The following NUBPL variants were observed in gnomAD, a reference collection of about 807,000 sequenced individuals.
NUBPL encodes the protein NUBP iron-sulfur cluster assembly factor, mitochondrial.
A neutral mutation model predicts 45.7 loss-of-function variants in NUBPL; 31 were observed. The ratio of observed to expected loss-of-function variants is 0.68; its 90% CI spans 0.51 to 0.92. The LOEUF is 0.92. Among genes scored for constraint, NUBPL ranks in the 40% least tolerant of loss-of-function variants. NUBPL has a pLI of 0.00. For synonymous variants in NUBPL, 144 were observed against 140.9 expected (o/e 1.02, Z -0.15); for missense variants, 401 against 398.7 (o/e 1.01, Z -0.05).
chr14:31,666,719 C>T (rs2036439317), intron 4 of NUBPL, among the ~76,000 whole-genome samples: 1 of 152,088 alleles, frequency 6.6e-6, no homozygotes, highest in Non-Finnish European at 1.5e-5. Flanking sequence ...TTAGTGCTTC[C>T]TTCAGGAGCT....
intron 6 of NUBPL, among the ~76,000 whole-genome samples, chr14:31,702,353 A>T (rs2139897314): frequency 1.3e-5 from 2 of 152,238 alleles, no homozygotes; most frequent in Middle Eastern, 6.8e-3. Flanking sequence ...CATATGGCTG[A>T]TCTCATTCTT....
At chr14:31,577,765 GATGTTGT>G (rs2033754247) in intron 3 of NUBPL, among the ~76,000 whole-genome samples, 2 of 152,162 alleles carry the variant, frequency 1.3e-5, no homozygotes, top group African/African-American at 2.4e-5. Context: ...CTCTGTACTT[GATGTTGT>G]TGGCACTGCT....
intron 4 of NUBPL, among the ~76,000 whole-genome samples, chr14:31,668,166 C>A (rs2036482645): frequency 6.6e-6 from 1 of 152,238 alleles, no homozygotes; most frequent in Non-Finnish European, 1.5e-5. Flanking sequence ...CACAGCTGCG[C>A]CTTCCTCCAG....
At chr14:31,657,694 A>G (rs760831334) in intron 4 of NUBPL, among the ~76,000 whole-genome samples, 7 of 152,138 alleles carry the variant, frequency 4.6e-5, no homozygotes, top group Non-Finnish European at 8.8e-5. Context: ...CTTGTTATAG[A>G]TATCTTTTTC....
intron 7 of NUBPL, among the ~76,000 whole-genome samples, chr14:31,807,078 A>C (rs1451074674): frequency 6.6e-6 from 1 of 152,212 alleles, no homozygotes; most frequent in Non-Finnish European, 1.5e-5. Flanking sequence ...GCCACAATAA[A>C]CATATGTGTG....
chr14:31,684,219 T>G (rs1284398432), intron 6 of NUBPL, among the ~76,000 whole-genome samples: 1 of 152,222 alleles, frequency 6.6e-6, no homozygotes, highest in Non-Finnish European at 1.5e-5. Flanking sequence ...AGTTACCTCA[T>G]CATGGGGATT....
intron 6 of NUBPL, among the ~76,000 whole-genome samples, chr14:31,786,742 A>T (rs2039292185): frequency 6.6e-6 from 1 of 152,230 alleles, no homozygotes; most frequent in African/African-American, 2.4e-5. Flanking sequence ...TTCCCCAAAG[A>T]AATGAATTTT....
At chr14:31,761,759 C>T (rs1434294465) in intron 6 of NUBPL, among the ~76,000 whole-genome samples, 3 of 152,092 alleles carry the variant, frequency 2.0e-5, no homozygotes, top group African/African-American at 7.2e-5. Context: ...TCTTATTAAG[C>T]AACACTGATA....
chr14:31,851,935 C>G (rs1237269950), intron 10 of NUBPL, among the ~76,000 whole-genome samples: 1 of 152,130 alleles, frequency 6.6e-6, no homozygotes, highest in African/African-American at 2.4e-5. Flanking sequence ...AGAAACATTT[C>G]ATTGAAGTTA....
chr14:31,574,684 G>A (rs1188479937), intron 3 of NUBPL, among the ~76,000 whole-genome samples: 5 of 148,318 alleles, frequency 3.4e-5, no homozygotes, highest in African/African-American at 1.0e-4. Context: ...TTTGCCTCCC[G>A]GGTTCAAGTG....
chr14:31,592,857 T>C (rs994654507), intron 3 of NUBPL, among the ~76,000 whole-genome samples: 12 of 152,206 alleles, frequency 7.9e-5, no homozygotes, highest in African/African-American at 2.4e-4. Context: ...AGGGAATCTC[T>C]GTAACTACCT....
At chr14:31,804,583 A>G (rs1315524325) in intron 7 of NUBPL, among the ~76,000 whole-genome samples, 1 of 152,194 alleles carries the variant, frequency 6.6e-6, no homozygotes, top group African/African-American at 2.4e-5. Context: ...GTGCAAAAAC[A>G]GGCACATAGA....
At chr14:31,690,458 G>A (rs995278057) in intron 6 of NUBPL, among the ~76,000 whole-genome samples, 4 of 152,170 alleles carry the variant, frequency 2.6e-5, no homozygotes, top group African/African-American at 9.6e-5. Flanking sequence ...GACATGAAAG[G>A]TGCTGAACTG....
intron 8 of NUBPL, 196 bp from the exon 9 acceptor site, chr14:31,846,275 T>C (rs889426567): frequency 5.9e-5 from 33 of 559,730 alleles, no homozygotes; most frequent in South Asian, 2.4e-4. Flanking sequence ...TATTATGATA[T>C]CAAAGGTAAT....
At chr14:31,799,792 G>A (rs1012841696) in intron 7 of NUBPL, among the ~76,000 whole-genome samples, 3 of 152,220 alleles carry the variant, frequency 2.0e-5, no homozygotes, top group African/African-American at 7.2e-5. Flanking sequence ...GGCAGTTGCT[G>A]ACGGTTGGAG....
chr14:31,807,815 G>A (rs1291130927), intron 7 of NUBPL, among the ~76,000 whole-genome samples: 2 of 152,144 alleles, frequency 1.3e-5, no homozygotes, highest in Non-Finnish European at 2.9e-5. Context: ...TGTAAGGAAG[G>A]GATCCAGTTT....
At chr14:31,732,002 A>G (rs1430261381) in intron 6 of NUBPL, among the ~76,000 whole-genome samples, 1 of 151,848 alleles carries the variant, frequency 6.6e-6, no homozygotes, top group East Asian at 1.9e-4. Flanking sequence ...GGAGAGCTAG[A>G]CTATCCTGGC....
At chr14:31,710,484 G>A (rs2139921881) in intron 6 of NUBPL, among the ~76,000 whole-genome samples, 1 of 152,274 alleles carries the variant, frequency 6.6e-6, no homozygotes, top group Non-Finnish European at 1.5e-5. Flanking sequence ...GTCGGATTTA[G>A]TGACCCTTAC....
intron 3 of NUBPL, 84 bp from the exon 4 acceptor site, chr14:31,599,205 A>G (rs1355711278): frequency 2.9e-6 from 3 of 1,019,910 alleles, no homozygotes; most frequent in African/African-American, 1.6e-5. Context: ...CTGTTGCTAT[A>G]TGCTTCACCT....
Sources: allele counts gnomAD v4.1 joint callset (sites outside exome capture counted in the v4.1 genomes callset), GRCh38; gene constraint gnomAD v4.1.1; transcripts MANE v1.5; gene names NCBI Gene and HGNC (gene_info 2026-07-23, HGNC 2026-07-21).